Variants in DTNB observed in about 807,000 individuals in gnomAD.
DTNB encodes DTN-B.
In DTNB, 63 loss-of-function variants were observed where a neutral mutation model predicts 90.7. The observed-to-expected ratio is 0.69, with a 90% confidence interval of 0.57 to 0.86. The LOEUF (loss-of-function observed/expected upper bound fraction) is 0.86, where lower values mean the gene tolerates loss of function less well. DTNB is among the 40% of genes least tolerant of loss of function. The pLI is 0.00. For synonymous variants in DTNB, 277 were observed against 286.7 expected (o/e 0.97, Z 0.34); for missense variants, 744 against 807.1 (o/e 0.92, Z 0.95).
At chr2:25,631,580 AAAAAAAGAAAG>A (rs1408748844) in intron 3 of DTNB, among the ~76,000 whole-genome samples, 1 of 151,944 alleles carries the variant, frequency 6.6e-6, no homozygotes. Context: ...GGTCAAAAAA[AAAAAAAGAAAG>A]AAAAAAGAAA....
Position 25,442,114 on chromosome 2 carries a change from T to C in DTNB, c.1258-8119A>G, listed in dbSNP as rs761539557. On this transcript the variant is annotated intron_variant, in intron 12 of 20. Transcript: ENST00000406818. Reference sequence around the variant, plus strand: ...AAAGTGTCAACAACATCTAGTCTTTTCTAGTTCAACGTTGAGCTAATTAGG... The same window carrying C: ...AAAGTGTCAACAACATCTAGTCTTTCCTAGTTCAACGTTGAGCTAATTAGG... 4.6e-5 allele frequency among the ~76,000 whole-genome samples: 7 copies of C among 152,232 alleles called. 1 individual carries two copies. The highest frequency in any genetic ancestry group is 7.3e-5 in the Non-Finnish European group (5 of 68,032).
At chr2:25,463,133 A>T (rs7562258) in intron 10 of DTNB, among the ~76,000 whole-genome samples, 3,506 of 152,244 alleles carry the variant, frequency 0.023, 129 homozygotes, top group African/African-American at 0.08. Flanking sequence ...TTGGGTGCCC[A>T]ATGGGCATTT....
At chr2:25,611,286 A>C (rs757386832) in intron 4 of DTNB, among the ~76,000 whole-genome samples, 6 of 152,234 alleles carry the variant, frequency 3.9e-5, no homozygotes, top group Non-Finnish European at 7.3e-5. Flanking sequence ...ACAAAACATG[A>C]GTCACTGCCT....
At chr2:25,652,422 T>C (rs1376109925) in intron 2 of DTNB, among the ~76,000 whole-genome samples, 172 bp downstream of exon 2, 1 of 151,964 alleles carries the variant, frequency 6.6e-6, no homozygotes, top group African/African-American at 2.4e-5. Context: ...TCTATTCAAA[T>C]ATATGCTTTG....
At chr2:25,514,064 C>T (rs1489490630) in intron 9 of DTNB, among the ~76,000 whole-genome samples, 1 of 147,820 alleles carries the variant, frequency 6.8e-6, no homozygotes, top group Non-Finnish European at 1.5e-5. Flanking sequence ...AGATTATAAA[C>T]AAATACAAAA....
chr2:25,654,585 C>A (rs957577335), intron 1 of DTNB, among the ~76,000 whole-genome samples: 2 of 152,172 alleles, frequency 1.3e-5, no homozygotes, highest in Non-Finnish European at 2.9e-5. Flanking sequence ...TATTCAACAG[C>A]AAAACAGTTG....
intron 9 of DTNB, among the ~76,000 whole-genome samples, chr2:25,501,733 G>C (rs1408940213): frequency 6.6e-6 from 1 of 152,118 alleles, no homozygotes; most frequent in Non-Finnish European, 1.5e-5. Context: ...ATGAAGGAGA[G>C]GCGATAGTAT....
intron 15 of DTNB, among the ~76,000 whole-genome samples, chr2:25,425,554 T>C (rs1417726930): frequency 6.6e-6 from 1 of 152,206 alleles, no homozygotes; most frequent in Non-Finnish European, 1.5e-5. Context: ...TATTATCCTT[T>C]AGTTTCTTCC....
intron 9 of DTNB, among the ~76,000 whole-genome samples, chr2:25,488,807 T>C (rs1462363268): frequency 6.6e-6 from 1 of 152,170 alleles, no homozygotes; most frequent in African/African-American, 2.4e-5. Flanking sequence ...TCCGCCATCA[T>C]GCCCGGCTAA....
chr2:25,499,776 A>G (rs1196671168), intron 9 of DTNB, among the ~76,000 whole-genome samples: 1 of 152,218 alleles, frequency 6.6e-6, no homozygotes, highest in African/African-American at 2.4e-5. Flanking sequence ...CTCTGTCTTC[A>G]TTGCATTCAC....
At chr2:25,560,601 G>A (rs2058108921) in intron 8 of DTNB, among the ~76,000 whole-genome samples, 1 of 151,756 alleles carries the variant, frequency 6.6e-6, no homozygotes, top group Non-Finnish European at 1.5e-5. Flanking sequence ...TTCAGACCAG[G>A]ATTGGACCTA....
At chr2:25,448,518 C>A (rs975198697) in intron 12 of DTNB, among the ~76,000 whole-genome samples, 6 of 152,214 alleles carry the variant, frequency 3.9e-5, no homozygotes, top group African/African-American at 1.2e-4. Flanking sequence ...ATTCAACATT[C>A]TTGGTTCCTT....
chr2:25,459,439 T>G (rs905400059), intron 10 of DTNB, among the ~76,000 whole-genome samples: 1 of 152,178 alleles, frequency 6.6e-6, no homozygotes, highest in African/African-American at 2.4e-5. Context: ...ATTATAAGTA[T>G]TTTAGCTTTT....
chr2:25,506,930 G>A (rs1346165281), intron 9 of DTNB, among the ~76,000 whole-genome samples: 2 of 151,738 alleles, frequency 1.3e-5, no homozygotes, highest in Non-Finnish European at 2.9e-5. Flanking sequence ...TTAACACAAA[G>A]CATCAAAGAA....
At chr2:25,579,412 T>G (rs1304882026) in intron 7 of DTNB, among the ~76,000 whole-genome samples, 1 of 152,196 alleles carries the variant, frequency 6.6e-6, no homozygotes, top group Admixed American at 6.5e-5. Flanking sequence ...ACAGTATGGA[T>G]GTTTATTTTA....
rs2064598632 is a variant in DTNB, at chr2:25,596,202, TCATTAAGC to T, written c.479_486del (p.Gly160AspfsTer3). 1 of 1,612,606 alleles carries T rather than the reference TCATTAAGC, an allele frequency of 6.2e-7. No homozygotes were observed. Among genetic ancestry groups the T allele is most frequent in the East Asian group, 2.2e-5 (1 of 44,750 alleles). On this transcript the variant is annotated frameshift_variant, in exon 6 of 21. Coordinates refer to ENST00000406818, the MANE Select transcript of DTNB (RefSeq NM_021907.5). LOFTEE classifies it high-confidence loss of function. ...AGAAACTGGTCAAACTTGCTAAATA[TCATTAAGC>T]CATTGGAATCTGACATCTGGGAGAA...
chr2:25,437,948 G>T (rs2150016725), intron 12 of DTNB, among the ~76,000 whole-genome samples: 1 of 152,266 alleles, frequency 6.6e-6, no homozygotes, highest in East Asian at 1.9e-4. Context: ...ATGCAATAAA[G>T]AAATGCAGGG....
chr2:25,634,130 G>C, intron 3 of DTNB, among the ~76,000 whole-genome samples: 1 of 148,442 alleles, frequency 6.7e-6, no homozygotes, highest in East Asian at 2.1e-4. Flanking sequence ...CCCCCTGCCC[G>C]GCCAGCCGCC....
At chr2:25,515,112 G>A (rs1341976701) in intron 9 of DTNB, among the ~76,000 whole-genome samples, 1 of 152,038 alleles carries the variant, frequency 6.6e-6, no homozygotes, top group Non-Finnish European at 1.5e-5. Context: ...GAAGATGACT[G>A]TGCCCTATAC....
Sources: allele counts gnomAD v4.1 joint callset (sites outside exome capture counted in the v4.1 genomes callset), GRCh38; gene constraint gnomAD v4.1.1; transcripts MANE v1.5; gene names NCBI Gene and HGNC (gene_info 2026-07-23, HGNC 2026-07-21).